The following CREBZF variants were observed in gnomAD, a reference collection of about 807,000 sequenced individuals.
CREBZF encodes the protein CREB/ATF bZIP transcription factor, also known as HCF-binding transcription factor Zhangfei.
In CREBZF, 8 loss-of-function variants were observed where a neutral mutation model predicts 21.1. That is an observed-to-expected ratio of 0.38 (90% CI 0.22 to 0.68). CREBZF has a LOEUF of 0.68. Among genes scored for constraint, CREBZF ranks in the 30% least tolerant of loss-of-function variants. The pLI, the probability that CREBZF is intolerant of heterozygous loss-of-function variation, is 0.51. For missense variants in CREBZF, 518 were observed against 484.3 expected (o/e 1.07, Z -0.65); for synonymous variants, 270 against 223.3 (o/e 1.21, Z -1.86).
intron 1 of CREBZF, among the ~76,000 whole-genome samples, chr11:85,679,277 T>C (rs1433731613): frequency 6.6e-6 from 1 of 152,220 alleles, no homozygotes; most frequent in East Asian, 1.9e-4. Context: ...TGGAGGAACC[T>C]GCTATGCACT....
At chr11:85,667,413 T>C (rs2082880230), upstream of CREBZF, among the ~76,000 whole-genome samples, 2 of 152,238 alleles carry the variant, frequency 1.3e-5, no homozygotes, top group Non-Finnish European at 1.5e-5. Context: ...TGAATGTTTG[T>C]CACATGACCA....
At position 85,661,613 on chromosome 11, in the gene CREBZF, T is replaced by C. The variant is rs904178439; in HGVS notation, c.*2198A>G. ...AAGAAAATACTCCAACAGAATGTTA[T>C]AGTTTTTAGAAAAATGAACTTACTG... is the stretch of plus-strand genomic sequence containing the variant. On this transcript the variant is annotated 3_prime_UTR_variant, in exon 1 of 1. Coordinates refer to ENST00000527447, the MANE Select transcript of CREBZF (RefSeq NM_001039618.4). The C allele has an allele frequency of 5.9e-5, 9 of 152,626 alleles. No homozygotes were observed. Among genetic ancestry groups the C allele is most frequent in the Non-Finnish European group, 1.2e-4 (8 of 68,016 alleles). 9.5% of individuals were successfully genotyped at this position (152,626 alleles called of 1,614,324 possible).
chr11:85,664,832 T>C lies in CREBZF; in HGVS notation c.44A>G (p.Asn15Ser), dbSNP rs1471920775. The change falls in exon 1 of 1, where the codon AAC (asparagine) becomes AGC (serine). Residue 15 changes from asparagine to serine, a missense_variant. Asn to Ser is a conservative substitution (Grantham distance 46). Coordinates refer to ENST00000527447, the MANE Select transcript of CREBZF (RefSeq NM_001039618.4). This position sits in a 1 kb window ranked among gnomAD's most constrained non-coding sequence, Gnocchi z 5.5. ...CGGGCTCTCACTGCGGGTTGGGGAG[T>C]TGCTGCCCGAGGCTGCCAGCAGCTT... ...LTKLLAASGS[N>S]SPTRSESPEP... 2 of 1,537,720 alleles carry C rather than the reference T, an allele frequency of 1.3e-6. No individual in the cohort carries two copies. Among genetic ancestry groups the C allele is most frequent in the African/African-American group, 2.8e-5 (2 of 72,012 alleles).
intron 1 of CREBZF, chr11:85,682,599 G>GCCCTACCCCCCCCC: frequency 3.1e-6 from 1 of 321,228 alleles, no homozygotes; most frequent in South Asian, 3.5e-5. Context: ...CCTACCCCCT[G>GCCCTACCCCCCCCC]CCCTACTCCC....
chr11:85,664,946 GC>G lies in CREBZF; in HGVS notation c.-72del. 8.6e-7 allele frequency: 1 copy of G among 1,159,772 alleles called. No homozygotes were observed. The highest frequency in any genetic ancestry group is 1.1e-6 in the Non-Finnish European group (1 of 876,072). 71.8% of individuals were successfully genotyped at this position (1,159,772 alleles called of 1,614,324 possible). A position where few individuals can be genotyped will look rare whatever the true frequency, so the allele number is the denominator to read the frequency against. ...GCCTCACGGGCCCCAAGGATCCCAG[GC>G]CCCAGGGCGGGTAGCCCCCGGCACT... On this transcript the variant is annotated 5_prime_UTR_variant, in exon 1 of 1. Transcript: ENST00000527447. The surrounding 1 kb of genome is among the most constrained non-coding windows in gnomAD (Gnocchi z 5.5).
intron 1 of CREBZF, among the ~76,000 whole-genome samples, chr11:85,674,778 C>T (rs1039719333): frequency 6.6e-6 from 1 of 152,256 alleles, no homozygotes. Context: ...TGCTGCTTCT[C>T]CATCAGCACT....
At chr11:85,682,783 T>C (rs1237252137) in exon 1 of CREBZF, 1 of 701,170 alleles carries the variant, frequency 1.4e-6, no homozygotes, top group African/African-American at 1.7e-5. Flanking sequence ...CCCCGCAGGC[T>C]GGGCGCAAAA....
rs1366459228 is a variant in CREBZF, at chr11:85,664,643, G to A, written c.233C>T (p.Pro78Leu). ...GSRGGVAVRA[P>L]SPEEMEEEAI... ...CTCCTCCTCCATCTCCTCGGGGGAGGGCGCGCGCACGGCCACGCCGCCGCG... is the reference window on the plus strand; with the variant it reads ...CTCCTCCTCCATCTCCTCGGGGGAGAGCGCGCGCACGGCCACGCCGCCGCG... The change falls in exon 1 of 1, where the codon CCC becomes CTC. Residue 78 changes from proline to leucine, a missense_variant. Transcript: ENST00000527447. This position sits in a 1 kb window ranked among gnomAD's most constrained non-coding sequence, Gnocchi z 5.5. 4 of 1,608,050 alleles carry A rather than the reference G, an allele frequency of 2.5e-6. No homozygotes were observed. The highest frequency in any genetic ancestry group is 2.2e-5 in the East Asian group (1 of 44,740).
chr11:85,662,145 G>A lies in CREBZF; in HGVS notation c.*1666C>T. On this transcript the variant is annotated 3_prime_UTR_variant, in exon 1 of 1. Coordinates refer to ENST00000527447, the MANE Select transcript of CREBZF (RefSeq NM_001039618.4). ...AGTAGATGATTTTACAAAATATGCT[G>A]TGATGCACTGGAAACCAAAGACCAA... 2.2e-6 allele frequency: 1 copy of A among 458,170 alleles called. No individual in the cohort carries two copies. Among genetic ancestry groups the A allele is most frequent in the Admixed American group, 3.4e-5 (1 of 29,002 alleles). The allele number at this position is 458,170 out of a possible 1,614,324, so 28.4% of individuals were successfully genotyped here.
chr11:85,671,993 C>A (rs1034467984), intron 1 of CREBZF, among the ~76,000 whole-genome samples: 2 of 152,254 alleles, frequency 1.3e-5, no homozygotes, highest in African/African-American at 4.8e-5. Context: ...CAGAGGTTCT[C>A]CATGGGAGCC....
chr11:85,677,317 T>C (rs912190686), intron 1 of CREBZF, among the ~76,000 whole-genome samples: 21 of 152,216 alleles, frequency 1.4e-4, no homozygotes, highest in African/African-American at 4.6e-4. Flanking sequence ...AATAAAATTA[T>C]TATGGATTTC....
chr11:85,680,477 AG>A (rs1461740660), intron 1 of CREBZF, among the ~76,000 whole-genome samples: 2 of 152,236 alleles, frequency 1.3e-5, no homozygotes, highest in Non-Finnish European at 2.9e-5. Flanking sequence ...CAAGTAGCTA[AG>A]GCAGGAGTCC....
chr11:85,664,437 C>A lies in CREBZF; in HGVS notation c.439G>T (p.Asp147Tyr). ...SDSGGLWRGD[D>Y]DDEAAAAEMQ... ...TCAGCAGCCGCGGCCTCATCGTCATCGTCCCCTCTCCACAGGCCGCCGCTA... is the reference window on the plus strand; with the variant it reads ...TCAGCAGCCGCGGCCTCATCGTCATAGTCCCCTCTCCACAGGCCGCCGCTA... Residue 147 changes from aspartate (D) to tyrosine (Y), a missense_variant, in exon 1 of 1, where the codon GAT (aspartate) becomes TAT (tyrosine). This residue lies in a region of CREBZF where 396 missense variants were observed against 324.4 expected (regional missense o/e 1.22). Transcript: ENST00000527447. The surrounding 1 kb of genome is among the most constrained non-coding windows in gnomAD (Gnocchi z 5.5). 2.5e-6 allele frequency: 4 copies of A among 1,613,776 alleles called. No individual in the cohort carries two copies. The highest frequency in any genetic ancestry group is 3.4e-6 in the Non-Finnish European group (4 of 1,179,980).
intron 1 of CREBZF, among the ~76,000 whole-genome samples, chr11:85,674,219 AG>A (rs2153329494): frequency 6.6e-6 from 1 of 152,376 alleles, no homozygotes; most frequent in Admixed American, 6.5e-5. Context: ...TGAAACAATA[AG>A]ATTTCAAAGT....
In CREBZF at chr11:85,664,968, G is replaced by T; in HGVS notation, c.-93C>A. 1 of 885,620 alleles carries T rather than the reference G, an allele frequency of 1.1e-6. No individual in the cohort carries two copies. Among genetic ancestry groups the T allele is most frequent in the Non-Finnish European group, 1.6e-6 (1 of 639,402 alleles). The allele number at this position is 885,620 out of a possible 1,614,324, so 54.9% of individuals were successfully genotyped here. On this transcript the variant is annotated 5_prime_UTR_variant, in exon 1 of 1. Transcript: ENST00000527447. This position sits in a 1 kb window ranked among gnomAD's most constrained non-coding sequence, Gnocchi z 5.5. ...CAGGCCCCAGGGCGGGTAGCCCCCG[G>T]CACTGGCCGAAACGAAATGCAGGGA...
rs567331734 is a variant in CREBZF, at chr11:85,674,739, A to T, written n.147+7978T>A. Among the ~76,000 whole-genome samples the T allele has an allele frequency of 2.6e-5, 4 of 152,368 alleles. No individual in the cohort carries two copies. The South Asian group carries it at 6.2e-4, about 24-fold the overall frequency. Reference sequence around the variant, plus strand: ...TTTAGTGTAGCTACCTTCATCAATTATCTCAGCTGGATCTTCTGGAAAACT... The same window carrying T: ...TTTAGTGTAGCTACCTTCATCAATTTTCTCAGCTGGATCTTCTGGAAAACT... On this transcript the variant is annotated intron_variant and non_coding_transcript_variant, in intron 1 of 3. Transcript: ENST00000531515.
intron 1 of CREBZF, among the ~76,000 whole-genome samples, chr11:85,672,619 G>A (rs938178508): frequency 6.6e-6 from 1 of 150,982 alleles, no homozygotes; most frequent in Non-Finnish European, 1.5e-5. Context: ...CCACTTCCAG[G>A]TGGCTCATTC....
At chr11:85,672,016 C>A (rs986312692) in intron 1 of CREBZF, among the ~76,000 whole-genome samples, 1 of 152,268 alleles carries the variant, frequency 6.6e-6, no homozygotes, top group Non-Finnish European at 1.5e-5. Flanking sequence ...GCTCCTGCAG[C>A]AAACTTATGC....
rs537671407 is a variant in CREBZF, at chr11:85,663,180, T to C, written c.*631A>G. On this transcript the variant is annotated 3_prime_UTR_variant, in exon 1 of 1. Coordinates refer to ENST00000527447, the MANE Select transcript of CREBZF (RefSeq NM_001039618.4). ...CTCGGAACTTCCATTCAACTTCACC[T>C]GTTTCACTGTCTCCAAACTGTCTCT... 7.6e-5 allele frequency: 19 copies of C among 248,568 alleles called. No individual in the cohort carries two copies. The highest frequency in any genetic ancestry group is 1.5e-4 in the Non-Finnish European group (19 of 128,130). The allele number at this position is 248,568 out of a possible 1,614,324, so 15.4% of individuals were successfully genotyped here. A position where few individuals can be genotyped will look rare whatever the true frequency, so the allele number is the denominator to read the frequency against.
Sources: allele counts gnomAD v4.1 joint callset (sites outside exome capture counted in the v4.1 genomes callset), GRCh38; gene constraint gnomAD v4.1.1; regional missense constraint gnomAD v4.1.1; non-coding constraint Gnocchi (gnomAD v3.1); transcripts MANE v1.5; gene names NCBI Gene and HGNC (gene_info 2026-07-23, HGNC 2026-07-21).